The following USH2A variants were observed in gnomAD, a reference collection of about 807,000 sequenced individuals.
USH2A encodes the protein Usher syndrome 2A (autosomal recessive, mild).
USH2A carries 443 observed loss-of-function variants against 538.9 expected under a neutral mutation model. The observed-to-expected ratio is 0.82, with a 90% CI of 0.76 to 0.89. USH2A has a LOEUF of 0.89. USH2A is among the 40% of genes least tolerant of loss of function. The pLI, the probability that USH2A is intolerant of heterozygous loss-of-function variation, is 0.00. For synonymous variants in USH2A, 2,413 were observed against 2,273.5 expected (o/e 1.06, Z -1.75); for missense variants, 6,633 against 6,324.8 (o/e 1.05, Z -1.65).
At chr1:216,286,464 C>T (rs1316358227) in intron 11 of USH2A, among the ~76,000 whole-genome samples, 1 of 152,092 alleles carries the variant, frequency 6.6e-6, no homozygotes, top group Admixed American at 6.6e-5. Context: ...TGTGGTGGCT[C>T]ATGCCTGTAA....
At chr1:216,106,562 C>T (rs1480704810) in intron 21 of USH2A, among the ~76,000 whole-genome samples, 2 of 150,974 alleles carry the variant, frequency 1.3e-5, no homozygotes, top group African/African-American at 2.4e-5. Flanking sequence ...CTCCTTTTCT[C>T]TCTCCCCCCT....
intron 9 of USH2A, among the ~76,000 whole-genome samples, chr1:216,308,315 A>G (rs907161174): frequency 6.6e-6 from 1 of 152,132 alleles, no homozygotes; most frequent in Non-Finnish European, 1.5e-5. Context: ...GCACCTTCCC[A>G]TAAGTGGTGT....
chr1:215,724,725 T>C (rs756139422), intron 61 of USH2A, among the ~76,000 whole-genome samples: 4 of 152,034 alleles, frequency 2.6e-5, no homozygotes, highest in Non-Finnish European at 4.4e-5. Context: ...TCAGAACGAA[T>C]CACTCATTCT....
chr1:216,292,336 G>A lies in USH2A; in HGVS notation c.1679C>T (p.Pro560Leu), dbSNP rs753669484. 1 of 1,613,746 alleles carries A rather than the reference G, an allele frequency of 6.2e-7. No individual in the cohort carries two copies. Among genetic ancestry groups the A allele is most frequent in the Non-Finnish European group, 8.5e-7 (1 of 1,179,770 alleles). Residue 560 changes from proline (P) to leucine (L), a missense_variant, in exon 10 of 72, where the codon CCT becomes CTT. By Grantham distance (98) the Pro-to-Leu change is moderately conservative. Coordinates refer to ENST00000307340, the MANE Select transcript of USH2A (RefSeq NM_206933.4). ...GTAAACTTGATCACCTTGGCGGAAA[G>A]GCTTGTCATTATAAAGAGGCAAGCA... ...DRCLPLYNDK[P>L]FRQGDQVYAF...
intron 34 of USH2A, 50 bp downstream of exon 34, chr1:215,998,837 A>G (rs747240996): frequency 1.0e-5 from 16 of 1,584,224 alleles, no homozygotes; most frequent in Middle Eastern, 1.7e-4. Context: ...CGGGAAGGGG[A>G]GAAGAAGTGG....
chr1:216,208,546 C>A (rs978460539), intron 15 of USH2A, among the ~76,000 whole-genome samples: 2 of 152,054 alleles, frequency 1.3e-5, no homozygotes, highest in African/African-American at 4.8e-5. Flanking sequence ...AAAGGAACCA[C>A]TTTCAAAAGG....
At chr1:216,091,028 G>A (rs1392269922) in intron 22 of USH2A, among the ~76,000 whole-genome samples, 2 of 152,044 alleles carry the variant, frequency 1.3e-5, no homozygotes, top group Admixed American at 6.6e-5. Context: ...CAAGTTTATT[G>A]GAGACAAATT....
At chr1:215,629,144 A>G in intron 70 of USH2A, 109 bp from the exon 71 acceptor site, 1 of 1,150,298 alleles carries the variant, frequency 8.7e-7, no homozygotes, top group South Asian at 1.3e-5. Flanking sequence ...CTGTCTCCTG[A>G]CAATTGTCAC....
chr1:216,386,488 AAAACAAACAAAC>A (rs71161420), intron 3 of USH2A, among the ~76,000 whole-genome samples: 32,504 of 134,742 alleles, frequency 0.24, 4,259 homozygotes, highest in Middle Eastern at 0.38. Flanking sequence ...TCGTCTCAAA[AAAACAAACAAAC>A]AAACAAACAA....
chr1:215,994,944 G>A (rs1004833340), intron 34 of USH2A, among the ~76,000 whole-genome samples: 3 of 151,934 alleles, frequency 2.0e-5, no homozygotes, highest in African/African-American at 7.3e-5. Flanking sequence ...ACTTCTCAGG[G>A]AGAAAAAAAA....
At chr1:216,101,131 C>T (rs554760655) in intron 21 of USH2A, among the ~76,000 whole-genome samples, 1 of 152,096 alleles carries the variant, frequency 6.6e-6, no homozygotes, top group Non-Finnish European at 1.5e-5. Context: ...AAAATGCACA[C>T]GTTCACTGAA....
intron 4 of USH2A, among the ~76,000 whole-genome samples, chr1:216,355,405 A>T (rs1443927079): frequency 6.6e-6 from 1 of 151,546 alleles, no homozygotes; most frequent in Non-Finnish European, 1.5e-5. Context: ...ATACAAGAAA[A>T]CATTTATATA....
intron 38 of USH2A, among the ~76,000 whole-genome samples, chr1:215,921,268 C>G (rs1666092756): frequency 6.6e-6 from 1 of 151,996 alleles, no homozygotes. Context: ...GTACTTATAT[C>G]CACACTGGCA....
At chr1:216,252,834 C>A (rs779688402) in intron 11 of USH2A, among the ~76,000 whole-genome samples, 3 of 152,124 alleles carry the variant, frequency 2.0e-5, no homozygotes, top group Non-Finnish European at 2.9e-5. Context: ...AAATAGATGG[C>A]ATTTATTGGT....
At chr1:216,096,651 T>C (rs982848782) in intron 22 of USH2A, among the ~76,000 whole-genome samples, 17 of 152,180 alleles carry the variant, frequency 1.1e-4, no homozygotes, top group South Asian at 4.1e-4. Flanking sequence ...TTTGAAACTA[T>C]GGTAGTCTGC....
intron 47 of USH2A, among the ~76,000 whole-genome samples, chr1:215,827,245 C>T (rs936805007): frequency 1.3e-5 from 2 of 151,886 alleles, no homozygotes; most frequent in Non-Finnish European, 2.9e-5. Context: ...TTAATGGAAC[C>T]AATAAAAACA....
intron 3 of USH2A, among the ~76,000 whole-genome samples, chr1:216,397,657 G>A (rs1242561221): frequency 3.3e-5 from 5 of 152,318 alleles, no homozygotes; most frequent in African/African-American, 1.2e-4. Context: ...AGGTTCTTTA[G>A]CCTTTGGACC....
At chr1:216,275,847 A>G (rs1312993763) in intron 11 of USH2A, among the ~76,000 whole-genome samples, 1 of 152,130 alleles carries the variant, frequency 6.6e-6, no homozygotes, top group Non-Finnish European at 1.5e-5. Flanking sequence ...TTTATTTAAT[A>G]TTTAGGATGA....
At chr1:216,006,834 T>A (rs1053327216) in intron 32 of USH2A, among the ~76,000 whole-genome samples, 16 of 152,170 alleles carry the variant, frequency 1.1e-4, no homozygotes, top group Non-Finnish European at 1.3e-4. Context: ...ACTAACCTAT[T>A]TTATTTCTTC....
Sources: gnomAD v4.1 joint callset for allele counts (sites outside exome capture counted in the v4.1 genomes callset) on GRCh38, gnomAD v4.1.1 for gene constraint, MANE v1.5 for transcripts, NCBI Gene and HGNC (gene_info 2026-07-23, HGNC 2026-07-21) for gene names.